Variants in GNAQ observed in about 807,000 individuals in gnomAD.
GNAQ encodes G protein subunit alpha q, also known as guanine nucleotide-binding protein G(q) subunit alpha.
A neutral mutation model predicts 43.9 loss-of-function variants in GNAQ; 8 were observed. The observed-to-expected ratio is 0.18, with a 90% confidence interval of 0.11 to 0.33. The LOEUF is 0.33. Ranked by LOEUF, GNAQ falls within the 10% of genes least tolerant of loss-of-function variation. The pLI, the probability that GNAQ is intolerant of heterozygous loss-of-function variation, is 1.00. For missense variants in GNAQ, 158 were observed against 450.8 expected, an observed-to-expected ratio of 0.35 and a Z score of 5.88; for synonymous variants, 155 against 170.7, an observed-to-expected ratio of 0.91 and a Z score of 0.71.
intron 1 of GNAQ, among the ~76,000 whole-genome samples, chr9:77,973,014 G>GA (rs10541482): frequency 0.01 from 1,202 of 114,630 alleles, 8 homozygotes; most frequent in Admixed American, 0.014. Context: ...AAAAAGAAAG[G>GA]AAAAAAAAAA....
chr9:77,737,088 A>G (rs1825586776), intron 5 of GNAQ, among the ~76,000 whole-genome samples: 1 of 152,222 alleles, frequency 6.6e-6, no homozygotes, highest in South Asian at 2.1e-4. Flanking sequence ...GCTGAGAGTC[A>G]GGTATTTAAC....
At position 77,836,267 on chromosome 9, in the gene GNAQ, C is replaced by T. The variant is rs1282541997; in HGVS notation, c.322-20497G>A. Among the ~76,000 whole-genome samples the T allele has an allele frequency of 3.9e-5, 6 of 152,048 alleles. No individual in the cohort carries two copies. In the East Asian group the frequency reaches 1.2e-3, roughly 29 times the overall value. On this transcript the variant is annotated intron_variant, in intron 2 of 6. Transcript: ENST00000286548. ...TCTGTCCAAGCTCTCTCCTCCAATT[C>T]CAAGAAAACCCAATATCCTTTCAGG...
rs537439080 is a variant in GNAQ at position 77,759,000 on chromosome 9, T to C, written c.736-30333A>G. ...TAAAAGCAGCCTATTAAACTAAACATATAGATAAGAATAAACAAATGAACT... is the reference window on the plus strand; with the variant it reads ...TAAAAGCAGCCTATTAAACTAAACACATAGATAAGAATAAACAAATGAACT... On this transcript the variant is annotated intron_variant, in intron 5 of 6. Transcript: ENST00000286548. Among the ~76,000 whole-genome samples, 3 of 152,266 alleles carry C rather than the reference T, an allele frequency of 2.0e-5. No individual in the cohort carries two copies. The South Asian group carries it at 6.2e-4, about 32-fold the overall frequency.
At chr9:77,868,349 A>G (rs1587375141) in intron 2 of GNAQ, among the ~76,000 whole-genome samples, 1 of 152,336 alleles carries the variant, frequency 6.6e-6, no homozygotes, top group South Asian at 2.1e-4. Flanking sequence ...AACAGACCAA[A>G]CATTATGAAT....
chr9:77,723,104 A>G (rs981706259), intron 6 of GNAQ, among the ~76,000 whole-genome samples: 7 of 152,374 alleles, frequency 4.6e-5, no homozygotes, highest in Non-Finnish European at 1.0e-4. Flanking sequence ...ACTTGAACAG[A>G]CATTTTTCTA....
chr9:77,874,109 A>AAAGAAAAAAAC (rs1554722277), intron 2 of GNAQ, among the ~76,000 whole-genome samples: 1 of 148,090 alleles, frequency 6.8e-6, no homozygotes, highest in African/African-American at 2.5e-5. Context: ...CATCTCAAAA[A>AAAGAAAAAAAC]AAAAAAACAA....
intron 5 of GNAQ, among the ~76,000 whole-genome samples, chr9:77,772,751 A>G (rs1826246541): frequency 6.6e-6 from 1 of 152,212 alleles, no homozygotes; most frequent in Admixed American, 6.5e-5. Flanking sequence ...AGCCATGACT[A>G]ATACAAACAC....
At chr9:77,731,603 C>CG in intron 5 of GNAQ, among the ~76,000 whole-genome samples, 1 of 152,216 alleles carries the variant, frequency 6.6e-6, no homozygotes, top group East Asian at 1.9e-4. Flanking sequence ...CTCCAGGAAT[C>CG]TGCTTCTTAC....
At chr9:77,762,107 C>T (rs1304664000) in intron 5 of GNAQ, among the ~76,000 whole-genome samples, 1 of 132,212 alleles carries the variant, frequency 7.6e-6, no homozygotes, top group Non-Finnish European at 1.6e-5. Flanking sequence ...CCAGCCGCCC[C>T]ATCCGGGAGG....
At position 77,718,890 on chromosome 9, in the gene GNAQ, T is replaced by A. The variant is rs1373198528; in HGVS notation, c.*2433A>T. On this transcript the variant is annotated 3_prime_UTR_variant, in exon 7 of 7. Coordinates refer to ENST00000286548, the MANE Select transcript of GNAQ (RefSeq NM_002072.5). The stretch of plus-strand genomic sequence containing the variant: ...CAGAGAGGTAATACTAAACTGTGCA[T>A]TTGCCAAATAAGAATATGAATTGTA... 1 of 232,528 alleles carries A rather than the reference T, an allele frequency of 4.3e-6. No homozygotes were observed. The highest frequency in any genetic ancestry group is 6.1e-5 in the East Asian group (1 of 16,504). 14.4% of individuals were successfully genotyped at this position (232,528 alleles called of 1,614,324 possible). A position where few individuals can be genotyped will look rare whatever the true frequency, so the allele number is the denominator to read the frequency against.
intron 2 of GNAQ, among the ~76,000 whole-genome samples, chr9:77,863,220 G>GAGGGAGGGAGGAAGGAAGAAAGGA (rs1827888510): frequency 8.8e-5 from 3 of 34,262 alleles, no homozygotes; most frequent in African/African-American, 1.7e-4. Flanking sequence ...GGAAGGAAGG[G>GAGGGAGGGAGGAAGGAAGAAAGGA]AGGAAGGAAG....
intron 2 of GNAQ, among the ~76,000 whole-genome samples, chr9:77,889,278 C>T (rs971757740): frequency 1.3e-5 from 2 of 151,004 alleles, no homozygotes; most frequent in South Asian, 2.1e-4. Context: ...TGTGGTGGTG[C>T]GTGCCTGTAG....
At chr9:77,862,297 C>T (rs1293119263) in intron 2 of GNAQ, among the ~76,000 whole-genome samples, 3 of 152,136 alleles carry the variant, frequency 2.0e-5, no homozygotes, top group South Asian at 4.1e-4. Context: ...TCCCTTCCGC[C>T]CTGCCCTAGG....
intron 1 of GNAQ, among the ~76,000 whole-genome samples, chr9:77,943,424 C>T (rs1056015729): frequency 1.3e-5 from 2 of 152,146 alleles, no homozygotes; most frequent in African/African-American, 4.8e-5. Context: ...GAATGTTAGT[C>T]CCTTTTCTGC....
chr9:77,947,955 AAAG>A (rs1162846544), intron 1 of GNAQ, among the ~76,000 whole-genome samples: 2 of 152,210 alleles, frequency 1.3e-5, no homozygotes, highest in Non-Finnish European at 1.5e-5. Context: ...CCATCCATAA[AAAG>A]AAGAAAATAG....
chr9:77,753,026 G>A (rs1825838377), intron 5 of GNAQ, among the ~76,000 whole-genome samples: 2 of 144,132 alleles, frequency 1.4e-5, no homozygotes, highest in African/African-American at 5.3e-5. Context: ...GGCGGAGCTT[G>A]CAGTGAGCCG....
rs1353078960 is a variant in GNAQ at position 77,845,516 on chromosome 9, T to C, written c.322-29746A>G. Among the ~76,000 whole-genome samples, 8 of 152,344 alleles carry C rather than the reference T, an allele frequency of 5.3e-5. No homozygotes were observed. In the East Asian group the frequency reaches 1.5e-3, roughly 29 times the overall value. The stretch of plus-strand genomic sequence containing the variant: ...ATATTATTTTAAAAGTAATTTCTTC[T>C]GAGCAGGGTTATATTCTCATATGAA... On this transcript the variant is annotated intron_variant, in intron 2 of 6. Coordinates refer to ENST00000286548, the MANE Select transcript of GNAQ (RefSeq NM_002072.5).
chr9:77,799,262 T>C (rs1173685392), intron 3 of GNAQ, among the ~76,000 whole-genome samples: 1 of 152,140 alleles, frequency 6.6e-6, no homozygotes, highest in Non-Finnish European at 1.5e-5. Flanking sequence ...GGACCCTTAA[T>C]AGAAATGGAA....
At chr9:77,920,809 A>G (rs1360073917) in intron 2 of GNAQ, among the ~76,000 whole-genome samples, 1 of 152,238 alleles carries the variant, frequency 6.6e-6, no homozygotes, top group Non-Finnish European at 1.5e-5. Context: ...CAATTAGGTA[A>G]GAAACCAGTG....
Sources: allele counts gnomAD v4.1 joint callset (sites outside exome capture counted in the v4.1 genomes callset), GRCh38; gene constraint gnomAD v4.1.1; transcripts MANE v1.5; gene names NCBI Gene and HGNC (gene_info 2026-07-23, HGNC 2026-07-21).